The following KHDRBS2 variants were observed in gnomAD, a reference collection of about 807,000 sequenced individuals.
KHDRBS2 encodes KH RNA binding domain containing, signal transduction associated 2, also known as KH domain-containing, RNA-binding, signal transduction-associated protein 2.
In KHDRBS2, 26 loss-of-function variants were observed where a neutral mutation model predicts 44.3. The observed-to-expected ratio is 0.59, with a 90% CI of 0.43 to 0.81. The LOEUF is 0.81. Ranked by LOEUF, KHDRBS2 falls within the 40% of genes least tolerant of loss-of-function variation. The pLI is 0.00. For synonymous variants in KHDRBS2, 194 were observed against 151.1 expected (o/e 1.28, Z -2.08); for missense variants, 476 against 433.1 (o/e 1.10, Z -0.88).
the KHDRBS2 span, among the ~76,000 whole-genome samples, chr6:61,549,814 T>C: frequency 6.6e-6 from 1 of 152,222 alleles, no homozygotes; most frequent in African/African-American, 2.4e-5. Flanking sequence ...AACTAATCTT[T>C]AATAAACCAT....
intron 7 of KHDRBS2, 87 bp from the exon 8 acceptor site, chr6:61,697,340 T>C (rs762698847): frequency 9.8e-6 from 8 of 814,844 alleles, no homozygotes; most frequent in Non-Finnish European, 1.7e-5. Context: ...GCAAAATGTG[T>C]GCTGAGGTAA....
intron 1 of KHDRBS2, among the ~76,000 whole-genome samples, chr6:62,271,235 T>C (rs1452828274): frequency 1.3e-5 from 2 of 152,106 alleles, no homozygotes; most frequent in Admixed American, 1.3e-4. Flanking sequence ...ATAAACCACA[T>C]ATAACATCGT....
At chr6:61,865,922 A>G (rs1483800401) in intron 6 of KHDRBS2, among the ~76,000 whole-genome samples, 1 of 152,218 alleles carries the variant, frequency 6.6e-6, no homozygotes, top group African/African-American at 2.4e-5. Flanking sequence ...GTGGGCTCCC[A>G]CAGCCTTGAG....
the KHDRBS2 span, among the ~76,000 whole-genome samples, chr6:61,579,250 C>A: frequency 6.6e-6 from 1 of 152,144 alleles, no homozygotes; most frequent in Non-Finnish European, 1.5e-5. Context: ...AACTTCTCTT[C>A]GGTAATGAAG....
chr6:61,545,410 A>T, the KHDRBS2 span, among the ~76,000 whole-genome samples: 2 of 152,066 alleles, frequency 1.3e-5, no homozygotes, highest in Non-Finnish European at 2.9e-5. Context: ...CTCTGCTTCA[A>T]CATGTGCTTT....
intron 6 of KHDRBS2, among the ~76,000 whole-genome samples, chr6:61,893,222 TGG>T (rs1320733729): frequency 2.6e-5 from 4 of 152,202 alleles, no homozygotes; most frequent in Non-Finnish European, 5.9e-5. Context: ...CCAGTTAGAA[TGG>T]CAATCATTAA....
chr6:61,947,936 A>C (rs1338729849), intron 4 of KHDRBS2, among the ~76,000 whole-genome samples: 1 of 149,356 alleles, frequency 6.7e-6, no homozygotes, highest in East Asian at 2.0e-4. Flanking sequence ...AATAATAATA[A>C]TAATAATAAT....
chr6:61,671,986 T>C, the KHDRBS2 span, among the ~76,000 whole-genome samples: 3 of 151,838 alleles, frequency 2.0e-5, no homozygotes, highest in African/African-American at 4.8e-5. Context: ...CCTAATGCTA[T>C]CCCTGCCCCC....
chr6:61,949,264 C>T lies in KHDRBS2; in HGVS notation c.483+28802G>A, dbSNP rs542700977. On this transcript the variant is annotated intron_variant, in intron 4 of 8. Coordinates refer to ENST00000281156, the MANE Select transcript of KHDRBS2 (RefSeq NM_152688.4). ...TATTATTTTGACTTGTGACTTGATT[C>T]TCAATCTGCTTTGAACTCAGAAGGA... Among the ~76,000 whole-genome samples the T allele has an allele frequency of 2.0e-3, 297 of 152,206 alleles. 2 individuals are homozygous for T. Among genetic ancestry groups the T allele is most frequent in the African/African-American group, 6.8e-3 (281 of 41,536 alleles).
chr6:62,158,515 T>C (rs1432753633), intron 2 of KHDRBS2, among the ~76,000 whole-genome samples: 1 of 152,168 alleles, frequency 6.6e-6, no homozygotes, highest in African/African-American at 2.4e-5. Flanking sequence ...TATTTTCCCA[T>C]TATATTACAT....
intron 1 of KHDRBS2, among the ~76,000 whole-genome samples, chr6:62,256,887 T>C (rs1203913136): frequency 6.6e-6 from 1 of 152,056 alleles, no homozygotes; most frequent in Non-Finnish European, 1.5e-5. Flanking sequence ...TCTCCCCATA[T>C]AGGGTTAAAC....
chr6:61,855,478 G>T (rs1332811207), intron 6 of KHDRBS2, among the ~76,000 whole-genome samples: 1 of 104,478 alleles, frequency 9.6e-6, no homozygotes, highest in Non-Finnish European at 2.1e-5. Flanking sequence ...AATTTTAGAT[G>T]TGTGTGTATA....
intron 2 of KHDRBS2, among the ~76,000 whole-genome samples, chr6:62,122,634 C>A (rs369149891): frequency 6.6e-6 from 1 of 152,124 alleles, no homozygotes; most frequent in East Asian, 1.9e-4. Flanking sequence ...CTGTGATCAG[C>A]TGACAGAGGA....
chr6:62,238,259 G>A (rs1392849447), intron 1 of KHDRBS2, among the ~76,000 whole-genome samples: 1 of 152,002 alleles, frequency 6.6e-6, no homozygotes, highest in Non-Finnish European at 1.5e-5. Flanking sequence ...GTCATTTAGT[G>A]CTTCCCGTTA....
chr6:62,218,102 C>A (rs891238713), intron 1 of KHDRBS2, among the ~76,000 whole-genome samples: 19 of 151,852 alleles, frequency 1.3e-4, no homozygotes, highest in Non-Finnish European at 2.4e-4. Context: ...GACTGCACAG[C>A]ATGTTCATTA....
chr6:62,104,709 A>G (rs1402138257), intron 2 of KHDRBS2, among the ~76,000 whole-genome samples: 2 of 152,160 alleles, frequency 1.3e-5, no homozygotes, highest in African/African-American at 2.4e-5. Flanking sequence ...TCTCAAATCA[A>G]TGACCTCAGG....
chr6:61,956,402 G>A (rs567604093), intron 4 of KHDRBS2, among the ~76,000 whole-genome samples: 7 of 152,104 alleles, frequency 4.6e-5, no homozygotes, highest in Non-Finnish European at 7.4e-5. Flanking sequence ...CAAAATTGAA[G>A]ACAAAACATT....
rs1353436660 is a variant in KHDRBS2 at position 61,945,098 on chromosome 6, AAAAAAAAAAAAAAAGTATAT to A, written c.483+32948_483+32967del. The stretch of plus-strand genomic sequence containing the variant: ...AGAGTGAGACTCTGTCTTAAAAAAA[AAAAAAAAAAAAAAAGTATAT>A]ATATATATATATATATATATATATA... On this transcript the variant is annotated intron_variant, in intron 4 of 8. Transcript: ENST00000281156. Among the ~76,000 whole-genome samples the A allele has an allele frequency of 5.7e-4, 26 of 45,796 alleles. 2 individuals are homozygous for A. The highest frequency in any genetic ancestry group is 1.9e-3 in the African/African-American group (25 of 13,010). 30.0% of individuals were successfully genotyped at this position (45,796 alleles called of 152,430 possible).
rs57235101 is a variant in KHDRBS2 at position 61,901,235 on chromosome 6, T to TGA, written c.611+7_611+8dup. ...ATCCTTAATTTATTTAAAGTAAGAATGAATGTACCTTGAAGGAGCTGTGGG... is the reference window on the plus strand; with the variant it reads ...ATCCTTAATTTATTTAAAGTAAGAATGAGAATGTACCTTGAAGGAGCTGTGGG... On this transcript the variant is annotated intron_variant, in intron 5 of 8. Transcript: ENST00000281156. 6,711 of 1,606,852 alleles carry TGA rather than the reference T, an allele frequency of 4.2e-3. 269 individuals carry two copies. In the African/African-American group the frequency reaches 0.08, roughly 19 times the overall value.
Sources: gnomAD v4.1 joint callset for allele counts (sites outside exome capture counted in the v4.1 genomes callset) on GRCh38, gnomAD v4.1.1 for gene constraint, MANE v1.5 for transcripts, NCBI Gene and HGNC (gene_info 2026-07-23, HGNC 2026-07-21) for gene names.